The following DCDC2C variants were observed in gnomAD, a reference collection of about 807,000 sequenced individuals.
The protein encoded by DCDC2C is doublecortin domain-containing protein 2C.
A neutral mutation model predicts 45.0 loss-of-function variants in DCDC2C; 44 were observed. That is an observed-to-expected ratio of 0.98 (90% confidence interval 0.77 to 1.26). DCDC2C has a LOEUF of 1.26. Among genes scored for constraint, DCDC2C ranks in the 50% most tolerant of loss-of-function variants. The pLI is 0.00. For synonymous variants in DCDC2C, 187 were observed against 178.8 expected (o/e 1.05, Z -0.37); for missense variants, 447 against 468.9 (o/e 0.95, Z 0.43).
At chr2:3,770,778 T>G (rs1483880837) in intron 8 of DCDC2C, among the ~76,000 whole-genome samples, 2 of 152,258 alleles carry the variant, frequency 1.3e-5, no homozygotes, top group Non-Finnish European at 1.5e-5. Flanking sequence ...GTCATAACTT[T>G]GCGTATAATA....
At position 3,769,384 on chromosome 2, in the gene DCDC2C, T is replaced by G. The variant is rs1244073715; in HGVS notation, c.927T>G (p.Asn309Lys). Reference protein sequence around the residue: ...QGALDVKEEHNVQLEVPVDQR... With the variant: ...QGALDVKEEHKVQLEVPVDQR... Reference sequence around the variant, plus strand: ...CGCTGGACGTCAAAGAGGAGCACAATGTGCAGCTGGAGGTGCCTGTGGACC... The same window carrying G: ...CGCTGGACGTCAAAGAGGAGCACAAGGTGCAGCTGGAGGTGCCTGTGGACC... Residue 309 changes from asparagine (N) to lysine (K), a missense_variant, in exon 8 of 11, where the codon AAT becomes AAG. Transcript: ENST00000399143. 1 of 1,550,378 alleles carries G rather than the reference T, an allele frequency of 6.5e-7. No homozygotes were observed. The highest frequency in any genetic ancestry group is 2.0e-5 in the Admixed American group (1 of 50,984).
intron 10 of DCDC2C, among the ~76,000 whole-genome samples, chr2:3,825,930 T>G (rs1671805589): frequency 6.6e-6 from 1 of 152,218 alleles, no homozygotes; most frequent in Admixed American, 6.5e-5. Context: ...AGCCTTCGTG[T>G]CCTGAGGACT....
At chr2:3,776,291 C>T (rs1231639268) in intron 8 of DCDC2C, among the ~76,000 whole-genome samples, 3 of 152,210 alleles carry the variant, frequency 2.0e-5, no homozygotes, top group South Asian at 2.1e-4. Flanking sequence ...CCTCTTTGAG[C>T]GTGTCTGTCT....
At chr2:3,730,808 A>C (rs1324587974) in intron 3 of DCDC2C, among the ~76,000 whole-genome samples, 1 of 152,144 alleles carries the variant, frequency 6.6e-6, no homozygotes, top group African/African-American at 2.4e-5. Flanking sequence ...CATTTATGAG[A>C]AAGTTTGCTG....
chr2:3,778,573 C>T (rs1484507781), intron 8 of DCDC2C, among the ~76,000 whole-genome samples: 1 of 152,122 alleles, frequency 6.6e-6, no homozygotes, highest in African/African-American at 2.4e-5. Context: ...TCTGGAGCGC[C>T]CACGCCACTC....
At chr2:3,759,244 G>T (rs554336189) in intron 6 of DCDC2C, among the ~76,000 whole-genome samples, 1 of 152,150 alleles carries the variant, frequency 6.6e-6, no homozygotes, top group Non-Finnish European at 1.5e-5. Flanking sequence ...ATCTTGGAGG[G>T]TATTCAGGTG....
intron 1 of DCDC2C, among the ~76,000 whole-genome samples, chr2:3,707,756 A>G (rs1668105606): frequency 6.6e-6 from 1 of 152,112 alleles, no homozygotes; most frequent in African/African-American, 2.4e-5. Flanking sequence ...GAGTGCCATC[A>G]TTTACTTGAC....
intron 2 of DCDC2C, among the ~76,000 whole-genome samples, chr2:3,715,874 TG>T: frequency 1.3e-5 from 2 of 152,180 alleles, no homozygotes; most frequent in South Asian, 4.2e-4. Flanking sequence ...ATAGAGTATG[TG>T]GGGGATATGA....
At chr2:3,846,108 TTCCTTTCTCCC>T (rs911217352) in intron 10 of DCDC2C, among the ~76,000 whole-genome samples, 1 of 151,948 alleles carries the variant, frequency 6.6e-6, no homozygotes, top group Non-Finnish European at 1.5e-5. Flanking sequence ...CCCTCCTTCC[TTCCTTTCTCCC>T]TCCTTCCCTC....
intron 10 of DCDC2C, among the ~76,000 whole-genome samples, chr2:3,821,205 G>A (rs945423436): frequency 2.6e-5 from 4 of 152,170 alleles, no homozygotes; most frequent in Admixed American, 1.3e-4. Flanking sequence ...AATTTCACAA[G>A]GTAATGTCAT....
chr2:3,764,444 A>G (rs976235317), intron 6 of DCDC2C, among the ~76,000 whole-genome samples: 1 of 152,228 alleles, frequency 6.6e-6, no homozygotes, highest in Non-Finnish European at 1.5e-5. Context: ...GAGGTTGACT[A>G]GGACAGACTC....
In DCDC2C at chr2:3,818,423, G is replaced by T. The variant is rs1459252542; in HGVS notation, c.1066-28731G>T. On this transcript the variant is annotated intron_variant, in intron 10 of 10. Transcript: ENST00000399143. The surrounding 1 kb of genome is among the most constrained non-coding windows in gnomAD (Gnocchi z 4.7). ...GGTTATGGAGGGGTTGTGGAGGGAG[G>T]TATTGAGGATAGGAGAGTATATGGC... 5.3e-5 allele frequency among the ~76,000 whole-genome samples: 8 copies of T among 152,210 alleles called. No individual in the cohort carries two copies. Among genetic ancestry groups the T allele is most frequent in the African/African-American group, 1.9e-4 (8 of 41,540 alleles).
chr2:3,816,264 G>T (rs2148219109), intron 10 of DCDC2C, among the ~76,000 whole-genome samples: 1 of 151,846 alleles, frequency 6.6e-6, no homozygotes, highest in Admixed American at 6.6e-5. Context: ...GGAATTAAAG[G>T]ACTAAAAATT....
chr2:3,831,943 C>T (rs10204430), intron 10 of DCDC2C, among the ~76,000 whole-genome samples: 57,752 of 152,168 alleles, frequency 0.38, 11,324 homozygotes, highest in African/African-American at 0.49. Flanking sequence ...CTTTCCTCTT[C>T]TGGACTTTCC....
chr2:3,737,350 G>A (rs1246640172), intron 3 of DCDC2C, among the ~76,000 whole-genome samples: 1 of 152,214 alleles, frequency 6.6e-6, no homozygotes. Context: ...AGGATGAGGG[G>A]AGGGCGCAGG....
intron 10 of DCDC2C, among the ~76,000 whole-genome samples, chr2:3,813,039 GTATATATA>G (rs202152340): frequency 0.21 from 18,661 of 87,270 alleles, 1,833 homozygotes; most frequent in East Asian, 0.47. Context: ...TGAGAAGAAC[GTATATATA>G]TATATATATA....
intron 6 of DCDC2C, among the ~76,000 whole-genome samples, chr2:3,762,403 C>G (rs898149515): frequency 6.6e-6 from 1 of 151,976 alleles, no homozygotes; most frequent in African/African-American, 2.4e-5. Flanking sequence ...TCTTACACTG[C>G]TATAAAGAAA....
At chr2:3,710,219 C>A (rs1397949484) in intron 2 of DCDC2C, among the ~76,000 whole-genome samples, 1 of 152,072 alleles carries the variant, frequency 6.6e-6, no homozygotes, top group Non-Finnish European at 1.5e-5. Context: ...CTTTTAAGTT[C>A]AGGAGTACAT....
At chr2:3,722,585 C>A (rs538615944) in intron 2 of DCDC2C, among the ~76,000 whole-genome samples, 15 of 152,304 alleles carry the variant, frequency 9.8e-5, no homozygotes, top group African/African-American at 2.9e-4. Context: ...AAGCTCATGG[C>A]GTCCTTCAGC....
Sources: allele counts gnomAD v4.1 joint callset (sites outside exome capture counted in the v4.1 genomes callset), GRCh38; gene constraint gnomAD v4.1.1; non-coding constraint Gnocchi (gnomAD v3.1); transcripts MANE v1.5; gene names NCBI Gene and HGNC (gene_info 2026-07-23, HGNC 2026-07-21).